The following NFE2L2 variants were observed in gnomAD, a reference collection of about 807,000 sequenced individuals.
NFE2L2 encodes the protein NFE2 like bZIP transcription factor 2.
In NFE2L2, 20 loss-of-function variants were observed where a neutral mutation model predicts 49.6. The observed-to-expected ratio is 0.40, with a 90% CI of 0.28 to 0.59. The LOEUF (loss-of-function observed/expected upper bound fraction) is 0.59, where lower values mean the gene tolerates loss of function less well. Ranked by LOEUF, NFE2L2 falls within the 20% of genes least tolerant of loss-of-function variation. The pLI, the probability that NFE2L2 is intolerant of heterozygous loss-of-function variation, is 0.40. For missense variants in NFE2L2, 578 were observed against 714.2 expected (o/e 0.81, Z 2.17); for synonymous variants, 244 against 256.5 (o/e 0.95, Z 0.47).
chr2:177,254,000 C>T (rs895711244), intron 1 of NFE2L2, among the ~76,000 whole-genome samples: 1 of 152,172 alleles, frequency 6.6e-6, no homozygotes, highest in African/African-American at 2.4e-5. Context: ...AACTTACTTT[C>T]CCCCCTTTAC....
At chr2:177,255,410 A>G (rs770516713) in intron 1 of NFE2L2, among the ~76,000 whole-genome samples, 1 of 152,156 alleles carries the variant, frequency 6.6e-6, no homozygotes. Flanking sequence ...TCTCTGGAGG[A>G]TAAGATACAA....
chr2:177,259,500 A>G (rs1690648585), intron 1 of NFE2L2, among the ~76,000 whole-genome samples: 2 of 152,198 alleles, frequency 1.3e-5, no homozygotes, highest in Non-Finnish European at 2.9e-5. Flanking sequence ...CCCTACTCAA[A>G]GTTCTTAATA....
rs35248500 is a variant in NFE2L2, at chr2:177,234,189, C to A, written c.128G>T (p.Arg43Leu). Reference protein sequence around the residue: ...SREVFDFSQRRKEYELEKQKK... With the variant: ...SREVFDFSQRLKEYELEKQKK... ...CTGTTTTTCCAGCTCATACTCTTTC[C>A]GTCGCTGACTGAAGTCAAATACTTC... The change falls in exon 2 of 5, where the codon CGG (arginine) becomes CTG (leucine). Residue 43 changes from arginine to leucine, a missense_variant. Around this residue, in one of 3 missense-constraint regions of NFE2L2, gnomAD observed 93 missense variants for 153.9 expected, o/e 0.60. Coordinates refer to ENST00000397062, the MANE Select transcript of NFE2L2 (RefSeq NM_006164.5). The A allele has an allele frequency of 6.2e-7, 1 of 1,614,060 alleles. No homozygotes were observed. Among genetic ancestry groups the A allele is most frequent in the Non-Finnish European group, 8.5e-7 (1 of 1,180,018 alleles).
At chr2:177,258,085 G>T (rs763307797) in intron 1 of NFE2L2, among the ~76,000 whole-genome samples, 23 of 152,166 alleles carry the variant, frequency 1.5e-4, no homozygotes, top group Non-Finnish European at 2.9e-4. Context: ...TATGGCCTGG[G>T]CATTAGTTTT....
chr2:177,249,720 G>C (rs1286551483), intron 1 of NFE2L2, among the ~76,000 whole-genome samples: 1 of 152,138 alleles, frequency 6.6e-6, no homozygotes, highest in African/African-American at 2.4e-5. Context: ...TTAACGAGGT[G>C]ACAAAACACA....
intron 1 of NFE2L2, among the ~76,000 whole-genome samples, chr2:177,251,582 G>C (rs1006874142): frequency 2.0e-5 from 3 of 152,272 alleles, no homozygotes; most frequent in African/African-American, 7.2e-5. Context: ...CCTGCTATGG[G>C]GTTGGTTTTC....
chr2:177,246,774 C>CTTTTT (rs56311819), intron 1 of NFE2L2, among the ~76,000 whole-genome samples: 3 of 117,514 alleles, frequency 2.6e-5, no homozygotes, highest in Non-Finnish European at 5.0e-5. Flanking sequence ...TAATATTTTA[C>CTTTTT]TTTTTTTTTT....
At chr2:177,254,573 C>A (rs1455874276) in intron 1 of NFE2L2, among the ~76,000 whole-genome samples, 1 of 152,174 alleles carries the variant, frequency 6.6e-6, no homozygotes, top group Non-Finnish European at 1.5e-5. Flanking sequence ...TCACAGCGAT[C>A]CGTGGAACAG....
intron 1 of NFE2L2, among the ~76,000 whole-genome samples, chr2:177,251,781 G>A (rs559003468): frequency 1.3e-5 from 2 of 152,170 alleles, no homozygotes; most frequent in East Asian, 1.9e-4. Flanking sequence ...CGAGGTGGGC[G>A]GATCACGAGG....
chr2:177,249,233 A>AATAC (rs1400096571), intron 1 of NFE2L2, among the ~76,000 whole-genome samples: 1 of 151,576 alleles, frequency 6.6e-6, no homozygotes, highest in East Asian at 1.9e-4. Flanking sequence ...TAAATAAATA[A>AATAC]ATAAATAAAT....
At chr2:177,232,757 C>CA (rs1389084239) in intron 3 of NFE2L2, 174 bp from the exon 4 acceptor site, 1 of 613,006 alleles carries the variant, frequency 1.6e-6, no homozygotes, top group Non-Finnish European at 2.8e-6. Context: ...CCCACTGACT[C>CA]AAATTTATAA....
intron 1 of NFE2L2, among the ~76,000 whole-genome samples, chr2:177,243,785 A>C (rs1360774945): frequency 6.6e-6 from 1 of 152,180 alleles, no homozygotes; most frequent in East Asian, 1.9e-4. Context: ...GATTACAGGC[A>C]TGAACCACTG....
intron 1 of NFE2L2, among the ~76,000 whole-genome samples, chr2:177,241,671 A>G (rs1309739126): frequency 6.6e-6 from 1 of 151,986 alleles, no homozygotes; most frequent in Non-Finnish European, 1.5e-5. Flanking sequence ...CAGCCTGGGC[A>G]ACACAGGCCT....
chr2:177,232,036 T>A, intron 4 of NFE2L2, 28 bp from the exon 5 acceptor site: 1 of 1,541,754 alleles, frequency 6.5e-7, no homozygotes, highest in East Asian at 2.3e-5. Flanking sequence ...TTATACTATA[T>A]AAATCAAAGT....
Position 177,231,026 on chromosome 2 carries a change from T to C in NFE2L2, c.1577A>G (p.Glu526Gly). ...KRKLENIVEL[E>G]QDLDHLKDEK... ...ATCTTTCAAATGATCTAAATCTTGC[T>C]CTAGTTCTACTATATTTTCCAGTTT... The change falls in exon 5 of 5, where the codon GAG becomes GGG. Residue 526 changes from glutamate to glycine, a missense_variant. Glu to Gly is a moderately conservative substitution (Grantham distance 98). This residue lies in a region of NFE2L2 where 117 missense variants were observed against 175.8 expected (regional missense o/e 0.67). Transcript: ENST00000397062. 6.2e-7 allele frequency: 1 copy of C among 1,613,664 alleles called. No individual in the cohort carries two copies. The highest frequency in any genetic ancestry group is 8.5e-7 in the Non-Finnish European group (1 of 1,179,942).
At chr2:177,258,875 C>A (rs1191348060) in intron 1 of NFE2L2, among the ~76,000 whole-genome samples, 1 of 152,208 alleles carries the variant, frequency 6.6e-6, no homozygotes, top group Non-Finnish European at 1.5e-5. Context: ...GCTGATAATA[C>A]AGGCCCTAAA....
At chr2:177,236,955 C>T (rs770919011) in intron 1 of NFE2L2, among the ~76,000 whole-genome samples, 1 of 152,126 alleles carries the variant, frequency 6.6e-6, no homozygotes, top group Non-Finnish European at 1.5e-5. Flanking sequence ...GCAGCCTTCA[C>T]CTGGGCTCAA....
intron 1 of NFE2L2, among the ~76,000 whole-genome samples, chr2:177,257,242 C>T (rs1690558798): frequency 6.6e-6 from 1 of 152,200 alleles, no homozygotes. Flanking sequence ...CCAGGATGTT[C>T]AACACCTATC....
At chr2:177,254,700 C>T (rs1203600295) in intron 1 of NFE2L2, among the ~76,000 whole-genome samples, 1 of 152,138 alleles carries the variant, frequency 6.6e-6, no homozygotes, top group Non-Finnish European at 1.5e-5. Flanking sequence ...AGGAGTCCCT[C>T]ATTCTTTAGC....
Sources: allele counts gnomAD v4.1 joint callset (sites outside exome capture counted in the v4.1 genomes callset), GRCh38; gene constraint gnomAD v4.1.1; regional missense constraint gnomAD v4.1.1; transcripts MANE v1.5; gene names NCBI Gene and HGNC (gene_info 2026-07-23, HGNC 2026-07-21).